ZFYVE26: variants seen among roughly 807,000 people sequenced by gnomAD.
ZFYVE26 encodes zinc finger FYVE domain-containing protein 26.
Under a neutral mutation model 276.5 loss-of-function variants are expected in ZFYVE26, and 181 were observed. The observed-to-expected ratio is 0.65, with a 90% CI of 0.58 to 0.74. The LOEUF is 0.74. Ranked by LOEUF, ZFYVE26 falls within the 30% of genes least tolerant of loss-of-function variation. The pLI is 0.00. For missense variants in ZFYVE26, 2,821 were observed against 3,097.9 expected (o/e 0.91, Z 2.12); for synonymous variants, 1,129 against 1,203.1 (o/e 0.94, Z 1.27).
chr14:67,731,387 G>A (rs575890476), intron 13 of ZFYVE26, among the ~76,000 whole-genome samples: 3 of 151,462 alleles, frequency 2.0e-5, no homozygotes, highest in Admixed American at 6.6e-5. Context: ...GCTAGTTTTT[G>A]TATTTCTAGT....
chr14:67,780,144 G>C, intron 23 of ZFYVE26, 97 bp downstream of exon 23: 1 of 1,174,992 alleles, frequency 8.5e-7, no homozygotes, highest in Non-Finnish European at 1.2e-6. Context: ...TTTTTAAAAA[G>C]TGAACATTGA....
intron 32 of ZFYVE26, among the ~76,000 whole-genome samples, chr14:67,764,635 G>A (rs991480027): frequency 3.3e-5 from 5 of 152,130 alleles, no homozygotes; most frequent in South Asian, 2.1e-4. Flanking sequence ...TTTGCATGGC[G>A]ACACATGTGA....
At chr14:67,804,321 A>C in intron 8 of ZFYVE26, 57 bp from the exon 9 acceptor site, 14 of 1,586,328 alleles carry the variant, frequency 8.8e-6, no homozygotes, top group Non-Finnish European at 1.2e-5. Flanking sequence ...TGCTCGAAGA[A>C]AGATCAATCT....
At chr14:67,814,382 G>A (rs561922950) in intron 2 of ZFYVE26, among the ~76,000 whole-genome samples, 4 of 152,238 alleles carry the variant, frequency 2.6e-5, no homozygotes, top group African/African-American at 4.8e-5. Context: ...AGCCAAGTGC[G>A]GTGGCAGGCG....
intron 10 of ZFYVE26, 77 bp from the exon 11 acceptor site, chr14:67,798,699 A>T (rs1047489515): frequency 1.3e-6 from 2 of 1,582,008 alleles, no homozygotes; most frequent in African/African-American, 2.7e-5. Flanking sequence ...ATTACCTCCC[A>T]GCGTCAAACA....
At chr14:67,780,413 C>T in intron 22 of ZFYVE26, 68 bp from the exon 23 acceptor site, 3 of 1,401,242 alleles carry the variant, frequency 2.1e-6, no homozygotes, top group East Asian at 2.4e-5. Flanking sequence ...AGTCACTGGG[C>T]ATGTCCACAG....
chr14:67,761,942 G>A (rs1389869034), intron 34 of ZFYVE26: 1 of 569,436 alleles, frequency 1.8e-6, no homozygotes. Context: ...ATCAGTCTGT[G>A]TATGGGATTA....
At chr14:67,768,690 C>A (rs1033678618) in intron 29 of ZFYVE26, 142 bp from the exon 30 acceptor site, 3 of 785,842 alleles carry the variant, frequency 3.8e-6, no homozygotes, top group Non-Finnish European at 6.5e-6. Context: ...TGAAAGAGTC[C>A]CCCATCAATA....
In ZFYVE26 at chr14:67,794,204, T is replaced by G; in HGVS notation, c.2368A>C (p.Ser790Arg). The G allele has an allele frequency of 6.2e-7, 1 of 1,614,222 alleles. No homozygotes were observed. Among genetic ancestry groups the G allele is most frequent in the East Asian group, 2.2e-5 (1 of 44,894 alleles). ...RDRGSNPSLE[S>R]TSSELSTSTS... Reference sequence around the variant, plus strand: ...CTTGTGCTCAGCTCACTACTTGTACTTTCCAGGGATGGGTTTGAACCTCTG... The same window carrying G: ...CTTGTGCTCAGCTCACTACTTGTACGTTCCAGGGATGGGTTTGAACCTCTG... The change falls in exon 13 of 42, where the codon AGT becomes CGT. Residue 790 changes from serine to arginine, a missense_variant. Physicochemically the swap from Ser to Arg is moderately radical, Grantham distance 110. Transcript: ENST00000347230.
In ZFYVE26 at chr14:67,781,383, G is replaced by C; in HGVS notation, c.4519C>G (p.Leu1507Val). 1 of 1,614,128 alleles carries C rather than the reference G, an allele frequency of 6.2e-7. No individual in the cohort carries two copies. The highest frequency in any genetic ancestry group is 8.5e-7 in the Non-Finnish European group (1 of 1,180,036). The change falls in exon 22 of 42, where the codon CTA becomes GTA. Residue 1507 changes from leucine to valine, a missense_variant. By Grantham distance (32) the Leu-to-Val change is conservative. Transcript: ENST00000347230. Reference protein sequence around the residue: ...CISDTAVQEGLKCELQRKLAE... With the variant: ...CISDTAVQEGVKCELQRKLAE... ...AGCTTCCTCTGTAGCTCACACTTTAGTCCTTCTTGGACAGCCGTGTCTGAA... is the reference window on the plus strand; with the variant it reads ...AGCTTCCTCTGTAGCTCACACTTTACTCCTTCTTGGACAGCCGTGTCTGAA...
At chr14:67,762,524 T>G in intron 33 of ZFYVE26, 112 bp from the exon 34 acceptor site, 3 of 1,528,160 alleles carry the variant, frequency 2.0e-6, no homozygotes, top group Non-Finnish European at 2.7e-6. Flanking sequence ...CTATCTGCCA[T>G]TACTTCTCTG....
In ZFYVE26 at chr14:67,782,887, A is replaced by G. The variant is rs766772080; in HGVS notation, c.4265T>C (p.Val1422Ala). 1 of 1,614,222 alleles carries G rather than the reference A, an allele frequency of 6.2e-7. No individual in the cohort carries two copies. Among genetic ancestry groups the G allele is most frequent in the East Asian group, 2.2e-5 (1 of 44,880 alleles). Reference protein sequence around the residue: ...VLSEAFEESLVARDWSRALQL... With the variant: ...VLSEAFEESLAARDWSRALQL... ...AAGGGCCCGGGACCAATCTCTGGCCACCAAGGATTCCTCAAAAGCCTCACT... is the reference window on the plus strand; with the variant it reads ...AAGGGCCCGGGACCAATCTCTGGCCGCCAAGGATTCCTCAAAAGCCTCACT... Residue 1422 changes from valine to alanine, a missense_variant, in exon 21 of 42, where the codon GTG becomes GCG. By Grantham distance (64) the Val-to-Ala change is moderately conservative. Coordinates refer to ENST00000347230, the MANE Select transcript of ZFYVE26 (RefSeq NM_015346.4).
chr14:67,798,491 GGTGAAGA>G lies in ZFYVE26; in HGVS notation c.1764_1770del (p.Leu589GlnfsTer23), dbSNP rs769409794. The G allele has an allele frequency of 1.9e-6, 3 of 1,614,140 alleles. No homozygotes were observed. The highest frequency in any genetic ancestry group is 2.5e-6 in the Non-Finnish European group (3 of 1,180,038). On this transcript the variant is annotated frameshift_variant, in exon 11 of 42. Coordinates refer to ENST00000347230, the MANE Select transcript of ZFYVE26 (RefSeq NM_015346.4). LOFTEE classifies it high-confidence loss of function. ...TAGTCCTCAGGCAAGTGAGGCTCTG[GGTGAAGA>G]TCAGCAGAGGTGATGAGAAGCAATG... is the stretch of plus-strand genomic sequence containing the variant.
At chr14:67,792,637 C>T (rs1208001170) in intron 14 of ZFYVE26, among the ~76,000 whole-genome samples, 1 of 152,126 alleles carries the variant, frequency 6.6e-6, no homozygotes, top group Non-Finnish European at 1.5e-5. Flanking sequence ...TGAGACTGGG[C>T]GCAATGGCTC....
chr14:67,736,198 A>C (rs943962988), intron 13 of ZFYVE26, among the ~76,000 whole-genome samples: 1 of 152,216 alleles, frequency 6.6e-6, no homozygotes, highest in Admixed American at 6.5e-5. Context: ...TCTACCATTG[A>C]AGAGTTCCTG....
At chr14:67,780,982 A>G (rs773799188) in intron 22 of ZFYVE26, among the ~76,000 whole-genome samples, 8 of 152,220 alleles carry the variant, frequency 5.3e-5, no homozygotes, top group African/African-American at 9.6e-5. Flanking sequence ...AGCTCTTGAA[A>G]TGTTGCTGAA....
At chr14:67,741,254 G>A (rs2140170096) in intron 13 of ZFYVE26, among the ~76,000 whole-genome samples, 1 of 152,236 alleles carries the variant, frequency 6.6e-6, no homozygotes, top group Non-Finnish European at 1.5e-5. Context: ...AAATGTTTAG[G>A]GTATCAGGTT....
At chr14:67,768,450 T>C (rs2039116555) in intron 30 of ZFYVE26, 67 bp downstream of exon 30, 1 of 1,542,920 alleles carries the variant, frequency 6.5e-7, no homozygotes, top group Non-Finnish European at 9.0e-7. Context: ...TCACAGCTGA[T>C]ATGCTGAAGA....
chr14:67,752,283 G>A, intron 40 of ZFYVE26, 61 bp downstream of exon 40: 4 of 1,541,180 alleles, frequency 2.6e-6, no homozygotes, highest in Non-Finnish European at 3.5e-6. Context: ...GAACAATAAA[G>A]ATGGGGATGT....
Sources: gnomAD v4.1 joint callset for allele counts (sites outside exome capture counted in the v4.1 genomes callset) on GRCh38, gnomAD v4.1.1 for gene constraint, MANE v1.5 for transcripts, NCBI Gene and HGNC (gene_info 2026-07-23, HGNC 2026-07-21) for gene names.